The following C17orf99 variants were observed in gnomAD, a reference collection of about 807,000 sequenced individuals.
C17orf99 encodes the protein chromosome 17 open reading frame 99, also known as protein IL-40.
A neutral mutation model predicts 22.6 loss-of-function variants in C17orf99; 18 were observed. The ratio of observed to expected loss-of-function variants is 0.80; its 90% CI spans 0.55 to 1.18. The LOEUF is 1.18. Ranked by LOEUF, C17orf99 falls within the 50% of genes most tolerant of loss-of-function variation. C17orf99 has a pLI of 0.00. For synonymous variants in C17orf99, 147 were observed against 136.6 expected, an observed-to-expected ratio of 1.08 and a Z score of -0.53; for missense variants, 328 against 342.7, an observed-to-expected ratio of 0.96 and a Z score of 0.34.
intron 2 of C17orf99, among the ~76,000 whole-genome samples, chr17:78,147,666 C>T (rs1191203482): frequency 6.6e-6 from 1 of 152,158 alleles, no homozygotes; most frequent in East Asian, 1.9e-4. Context: ...GTTGCTAGGC[C>T]ATCAGGTTAC....
intron 2 of C17orf99, chr17:78,160,226 A>C: frequency 2.3e-6 from 1 of 432,056 alleles, no homozygotes; most frequent in South Asian, 1.7e-5. Context: ...TCAGGGGTAC[A>C]TGTGCAGGTT....
intron 3 of C17orf99, 55 bp downstream of exon 3, chr17:78,161,309 G>A: frequency 7.1e-7 from 1 of 1,414,530 alleles, no homozygotes. Flanking sequence ...CAGATCAATG[G>A]GGAGCTCTGG....
chr17:78,163,505 T>G (rs2075593578), intron 3 of C17orf99, among the ~76,000 whole-genome samples: 1 of 152,252 alleles, frequency 6.6e-6, no homozygotes, highest in Admixed American at 6.5e-5. Flanking sequence ...TTATTCATTG[T>G]TTATCTGAAA....
In C17orf99 at chr17:78,165,999, AG is replaced by A; in HGVS notation, c.753del (p.Ile252Ter). ...RLSEEEFGGF[R>X]IGNGEVRGRK... The stretch of plus-strand genomic sequence containing the variant: ...GAGTGAAGAGGAGTTTGGGGGGTTC[AG>A]GATAGGGAATGGGGAGGTCAGAGGA... On this transcript the variant is annotated frameshift_variant, in exon 5 of 5. Coordinates refer to ENST00000340363, the MANE Select transcript of C17orf99 (RefSeq NM_001163075.2). LOFTEE classifies it high-confidence loss of function. The A allele has an allele frequency of 6.7e-7, 1 of 1,488,048 alleles. No individual in the cohort carries two copies. The highest frequency in any genetic ancestry group is 1.4e-5 in the African/African-American group (1 of 71,948). The allele number at this position is 1,488,048 out of a possible 1,614,324, so 92.2% of individuals were successfully genotyped here. A position where few individuals can be genotyped will look rare whatever the true frequency, so the allele number is the denominator to read the frequency against.
At chr17:78,152,375 C>T (rs932838244) in intron 2 of C17orf99, among the ~76,000 whole-genome samples, 2 of 150,602 alleles carry the variant, frequency 1.3e-5, no homozygotes, top group African/African-American at 4.9e-5. Flanking sequence ...CACTTTGTCA[C>T]CCAGGCTGGA....
At chr17:78,159,867 C>T (rs536786706) in intron 2 of C17orf99, among the ~76,000 whole-genome samples, 1 of 152,124 alleles carries the variant, frequency 6.6e-6, no homozygotes, top group African/African-American at 2.4e-5. Context: ...AATGTTGTTA[C>T]GGCTCATCCC....
At chr17:78,161,745 GA>G (rs1567822176) in intron 3 of C17orf99, among the ~76,000 whole-genome samples, 1 of 151,802 alleles carries the variant, frequency 6.6e-6, no homozygotes, top group Non-Finnish European at 1.5e-5. Flanking sequence ...TCAGGAGGCT[GA>G]GGCAGGAGAA....
At chr17:78,149,683 G>A (rs1399293062) in intron 2 of C17orf99, among the ~76,000 whole-genome samples, 3 of 151,706 alleles carry the variant, frequency 2.0e-5, no homozygotes, top group Non-Finnish European at 4.4e-5. Flanking sequence ...ACAGGCACAC[G>A]CCATCACACC....
chr17:78,157,586 C>A, intron 2 of C17orf99: 1 of 600,382 alleles, frequency 1.7e-6, no homozygotes, highest in South Asian at 1.7e-5. Context: ...ATCACAAGGT[C>A]AGGAGATCGA....
At chr17:78,155,291 A>G (rs1003448610) in intron 2 of C17orf99, among the ~76,000 whole-genome samples, 3 of 152,036 alleles carry the variant, frequency 2.0e-5, no homozygotes, top group Non-Finnish European at 4.4e-5. Flanking sequence ...CTTAGTGGTC[A>G]CACACTCTAG....
At chr17:78,165,761 C>A in intron 4 of C17orf99, 128 bp from the exon 5 acceptor site, 1 of 1,227,320 alleles carries the variant, frequency 8.1e-7, no homozygotes, top group Non-Finnish European at 1.0e-6. Context: ...GAGATCGTGC[C>A]ATTGCACTCC....
intron 2 of C17orf99, chr17:78,157,828 T>C: frequency 1.5e-6 from 1 of 682,918 alleles, no homozygotes; most frequent in Non-Finnish European, 2.4e-6. Context: ...AAAAAAAGAA[T>C]GGCTTTGTGG....
chr17:78,151,356 G>A (rs141408105), intron 2 of C17orf99, among the ~76,000 whole-genome samples: 94 of 144,188 alleles, frequency 6.5e-4, no homozygotes, highest in African/African-American at 5.7e-4. Flanking sequence ...AACCAGAGGC[G>A]GAGGTTGCAG....
chr17:78,146,191 C>T (rs2075436262), upstream of C17orf99, among the ~76,000 whole-genome samples: 1 of 152,168 alleles, frequency 6.6e-6, no homozygotes, highest in South Asian at 2.1e-4. This position sits in a 1 kb window ranked among gnomAD's most constrained non-coding sequence, Gnocchi z 5.2. Flanking sequence ...AAACTCCTTC[C>T]ACTTCTCTGG....
At chr17:78,164,742 G>A (rs951126021) in intron 4 of C17orf99, 3 of 1,312,020 alleles carry the variant, frequency 2.3e-6, no homozygotes, top group Non-Finnish European at 3.0e-6. Context: ...TGGCTGCAGA[G>A]CTCAGGTGGT....
At chr17:78,149,910 C>T (rs963340045) in intron 2 of C17orf99, among the ~76,000 whole-genome samples, 13 of 152,014 alleles carry the variant, frequency 8.6e-5, no homozygotes, top group South Asian at 4.2e-4. Flanking sequence ...GGGGTTTCAC[C>T]ATGTTAGCCA....
intron 2 of C17orf99, among the ~76,000 whole-genome samples, chr17:78,155,921 G>C (rs980482532): frequency 6.6e-6 from 1 of 151,502 alleles, no homozygotes; most frequent in African/African-American, 2.4e-5. Flanking sequence ...CACCATGCCC[G>C]GCCTACACAC....
chr17:78,158,027 C>T (rs1263063589), intron 2 of C17orf99: 3 of 1,367,094 alleles, frequency 2.2e-6, no homozygotes, highest in African/African-American at 1.5e-5. Context: ...GATTGGCATC[C>T]AGGATGGGCA....
At chr17:78,150,420 A>G (rs1213280016) in intron 2 of C17orf99, among the ~76,000 whole-genome samples, 1 of 152,160 alleles carries the variant, frequency 6.6e-6, no homozygotes, top group Non-Finnish European at 1.5e-5. Flanking sequence ...CGGGGGTTAC[A>G]GGTATGAGCC....
Sources: allele counts gnomAD v4.1 joint callset (sites outside exome capture counted in the v4.1 genomes callset), GRCh38; gene constraint gnomAD v4.1.1; non-coding constraint Gnocchi (gnomAD v3.1); transcripts MANE v1.5; gene names NCBI Gene and HGNC (gene_info 2026-07-23, HGNC 2026-07-21).